The following USP7 variants were observed in gnomAD, a reference collection of about 807,000 sequenced individuals.
The protein encoded by USP7 is ubiquitin C-terminal hydrolase 7.
USP7 carries 9 observed loss-of-function variants against 162.9 expected under a neutral mutation model. The observed-to-expected ratio is 0.06, with a 90% CI of 0.03 to 0.10. USP7 has a LOEUF of 0.10. USP7 is among the 10% of genes least tolerant of loss of function. The pLI, the probability that USP7 is intolerant of heterozygous loss-of-function variation, is 1.00. For synonymous variants in USP7, 562 were observed against 475.9 expected, an observed-to-expected ratio of 1.18 and a Z score of -2.35; for missense variants, 715 against 1,373.7, an observed-to-expected ratio of 0.52 and a Z score of 7.58.
rs1375038314 is a variant in USP7 at position 8,910,663 on chromosome 16, C to G, written c.1161+82G>C. 1.1e-5 allele frequency: 14 copies of G among 1,331,116 alleles called. No individual in the cohort carries two copies. The East Asian group carries it at 1.6e-4, about 16-fold the overall frequency. 82.5% of individuals were successfully genotyped at this position (1,331,116 alleles called of 1,614,324 possible). On this transcript the variant is annotated intron_variant, in intron 11 of 30. Coordinates refer to ENST00000344836, the MANE Select transcript of USP7 (RefSeq NM_003470.3). The stretch of plus-strand genomic sequence containing the variant: ...CCAGAAACACATGAAAAGGCACAAG[C>G]AAATTTTTATTTAGCAATTAAAAGA...
At chr16:8,909,158 G>T (rs1439319747) in intron 11 of USP7, among the ~76,000 whole-genome samples, 1 of 152,198 alleles carries the variant, frequency 6.6e-6, no homozygotes, top group South Asian at 2.1e-4. Context: ...CTCTATCACT[G>T]CTCCATCTTG....
intron 1 of USP7, among the ~76,000 whole-genome samples, chr16:8,948,926 G>C (rs561958968): frequency 3.9e-5 from 6 of 151,922 alleles, no homozygotes; most frequent in Non-Finnish European, 8.8e-5. Flanking sequence ...ATCAAACCAC[G>C]GCACTCCAGC....
rs71155415 is a variant in USP7 at position 8,897,722 on chromosome 16, A to ATACATATAT, written c.2719-624_2719-623insATATATGTA. Among the ~76,000 whole-genome samples, 6 of 21,622 alleles carry ATACATATAT rather than the reference A, an allele frequency of 2.8e-4. 1 individual carries two copies. Among genetic ancestry groups the ATACATATAT allele is most frequent in the Non-Finnish European group, 4.4e-4 (6 of 13,570 alleles). 14.2% of individuals were successfully genotyped at this position (21,622 alleles called of 152,430 possible). ...ACAAAAAAAAAAAAAAAAAAAAAAA[A>ATACATATAT]AAAAATATATATATATATATATATA... On this transcript the variant is annotated intron_variant, in intron 25 of 30. Coordinates refer to ENST00000344836, the MANE Select transcript of USP7 (RefSeq NM_003470.3).
At chr16:8,897,722 A>ATACATATATATATAT (rs71155415) in intron 25 of USP7, among the ~76,000 whole-genome samples, 295 of 21,614 alleles carry the variant, frequency 0.014, 10 homozygotes, top group Admixed American at 0.022. Flanking sequence ...AAAAAAAAAA[A>ATACATATATATATAT]AAAAATATAT....
intron 13 of USP7, among the ~76,000 whole-genome samples, chr16:8,905,800 T>G (rs938579285): frequency 2.0e-5 from 3 of 152,256 alleles, no homozygotes; most frequent in Admixed American, 6.5e-5. Flanking sequence ...GAAGTCAACG[T>G]AGCATGTTCC....
At chr16:8,936,789 G>A in intron 1 of USP7, 1 of 1,291,800 alleles carries the variant, frequency 7.7e-7, no homozygotes, top group Non-Finnish European at 9.9e-7. Flanking sequence ...CCTCAATTTA[G>A]ATAAGGCAGT....
intron 6 of USP7, among the ~76,000 whole-genome samples, chr16:8,917,525 C>T (rs1185432894): frequency 2.0e-5 from 3 of 152,018 alleles, no homozygotes; most frequent in Non-Finnish European, 2.9e-5. Flanking sequence ...ATTACAGGCA[C>T]GCACCACCAC....
At chr16:8,898,756 TAGCATGGGGTTTA>T (rs1334767345) in intron 23 of USP7, 117 bp from the exon 24 acceptor site, 6 of 787,134 alleles carry the variant, frequency 7.6e-6, no homozygotes, top group Non-Finnish European at 1.2e-5. Flanking sequence ...AATTTGGACC[TAGCATGGGGTTTA>T]ACTTAATACT....
intron 11 of USP7, 80 bp downstream of exon 11, chr16:8,910,665 A>C (rs2061932197): frequency 1.8e-5 from 24 of 1,354,570 alleles, no homozygotes; most frequent in East Asian, 2.3e-5. Context: ...GGCACAAGCA[A>C]ATTTTTATTT....
At chr16:8,932,479 G>A (rs547117607) in intron 1 of USP7, among the ~76,000 whole-genome samples, 14 of 152,236 alleles carry the variant, frequency 9.2e-5, no homozygotes, top group African/African-American at 3.4e-4. Context: ...ATCATGTCTT[G>A]ACAGAAATAC....
At position 8,905,247 on chromosome 16, in the gene USP7, G is replaced by A. The variant is rs1347664733; in HGVS notation, c.1513C>T (p.Leu505=). The change falls in exon 14 of 31, where the codon CTG becomes TTG. Residue 505 remains leucine (L), a synonymous_variant. Coordinates refer to ENST00000344836, the MANE Select transcript of USP7 (RefSeq NM_003470.3). ...EHNYGGHDDD[L]SVRHCTNAYM... is the part of the protein sequence containing the mutation. ...GCATTAGTGCAGTGTCGAACAGACA[G>A]GTCGTCATCGTGACCCCCATAATTG... The A allele has an allele frequency of 5.6e-6, 9 of 1,614,100 alleles. No homozygotes were observed. The South Asian group carries it at 6.6e-5, about 12-fold the overall frequency.
At chr16:8,894,482 C>G (rs1004490994) in intron 30 of USP7, 68 bp downstream of exon 30, 4 of 1,525,690 alleles carry the variant, frequency 2.6e-6, no homozygotes, top group Admixed American at 2.0e-5. Context: ...GCTGCCCCTC[C>G]CAGCCCCAGA....
At chr16:8,937,151 T>C (rs1280378931) in intron 1 of USP7, among the ~76,000 whole-genome samples, 2 of 152,092 alleles carry the variant, frequency 1.3e-5, no homozygotes, top group East Asian at 1.9e-4. Context: ...CCCAGGCACT[T>C]AGGACCCTGA....
At chr16:8,895,984 G>A (rs144514369) in intron 26 of USP7, among the ~76,000 whole-genome samples, 94 of 151,982 alleles carry the variant, frequency 6.2e-4, no homozygotes, top group African/African-American at 1.4e-3. Context: ...CTACAGGTGC[G>A]TGCCACCACA....
chr16:8,949,453 T>G (rs1038614249), intron 1 of USP7: 2 of 152,182 alleles, frequency 1.3e-5, no homozygotes, highest in Non-Finnish European at 2.9e-5. Context: ...AAAAGCAAAG[T>G]AACACAACAC....
chr16:8,906,691 G>C, intron 12 of USP7, 109 bp from the exon 13 acceptor site: 1 of 1,146,082 alleles, frequency 8.7e-7, no homozygotes, highest in South Asian at 1.6e-5. Context: ...AATAGGATAA[G>C]CATGAATTGC....
chr16:8,927,730 G>A (rs1439140957), intron 2 of USP7, among the ~76,000 whole-genome samples: 1 of 152,186 alleles, frequency 6.6e-6, no homozygotes, highest in Non-Finnish European at 1.5e-5. Context: ...CAGCTACTCG[G>A]GAGGCTGAGG....
At chr16:8,917,215 A>C (rs535839968) in intron 6 of USP7, 59 bp from the exon 7 acceptor site, 1 of 1,534,104 alleles carries the variant, frequency 6.5e-7, no homozygotes, top group Admixed American at 2.2e-5. Flanking sequence ...AATTTAAAAA[A>C]CAGTAAGAAT....
In USP7 at chr16:8,892,883, G is replaced by A. The variant is rs1020618024; in HGVS notation, c.*1115C>T. On this transcript the variant is annotated 3_prime_UTR_variant, in exon 31 of 31. Transcript: ENST00000344836. ...CCACAGAAACAACCCAAAAAATACC[G>A]GAAAAGGATGAAAAATAAGAGTGAT... is the stretch of plus-strand genomic sequence containing the variant. The A allele has an allele frequency of 4.6e-5, 7 of 152,020 alleles. No homozygotes were observed. The highest frequency in any genetic ancestry group is 2.1e-4 in the South Asian group (1 of 4,816). 9.4% of individuals were successfully genotyped at this position (152,020 alleles called of 1,614,324 possible). A position where few individuals can be genotyped will look rare whatever the true frequency, so the allele number is the denominator to read the frequency against.
Sources: allele counts gnomAD v4.1 joint callset (sites outside exome capture counted in the v4.1 genomes callset), GRCh38; gene constraint gnomAD v4.1.1; transcripts MANE v1.5; gene names NCBI Gene and HGNC (gene_info 2026-07-23, HGNC 2026-07-21).